Variants in MAML2 observed in about 807,000 individuals in gnomAD.
MAML2 encodes mastermind-like protein 2.
MAML2 carries 22 observed loss-of-function variants against 96.1 expected under a neutral mutation model. The observed-to-expected ratio is 0.23, with a 90% CI of 0.16 to 0.33. MAML2 has a LOEUF of 0.33. Ranked by LOEUF, MAML2 falls within the 10% of genes least tolerant of loss-of-function variation. MAML2 has a pLI of 1.00. For missense variants in MAML2, 1,367 were observed against 1,392.4 expected, an observed-to-expected ratio of 0.98 and a Z score of 0.29; for synonymous variants, 561 against 521.3, an observed-to-expected ratio of 1.08 and a Z score of -1.04.
rs142353824 is a variant in MAML2 at position 96,131,750 on chromosome 11, C to T, written c.514-38233G>A. Among the ~76,000 whole-genome samples, 533 of 152,270 alleles carry T rather than the reference C, an allele frequency of 3.5e-3. 1 individual carries two copies. Among genetic ancestry groups the T allele is most frequent in the African/African-American group, 0.012 (494 of 41,534 alleles). ...ATTGCCTGGGTGTGGTGGCTCATGCCTGTAATCCCAGCACTTTGAGAGGCT... is the reference window on the plus strand; with the variant it reads ...ATTGCCTGGGTGTGGTGGCTCATGCTTGTAATCCCAGCACTTTGAGAGGCT... On this transcript the variant is annotated intron_variant, in intron 1 of 4. Coordinates refer to ENST00000524717, the MANE Select transcript of MAML2 (RefSeq NM_032427.4).
intron 1 of MAML2, among the ~76,000 whole-genome samples, chr11:96,300,175 G>A (rs575637063): frequency 1.3e-5 from 2 of 152,272 alleles, no homozygotes; most frequent in East Asian, 1.9e-4. Context: ...TCAAAGGTAA[G>A]GCCATGGGAA....
chr11:96,250,589 T>C (rs1056908240), intron 1 of MAML2, among the ~76,000 whole-genome samples: 1 of 152,214 alleles, frequency 6.6e-6, no homozygotes, highest in Non-Finnish European at 1.5e-5. Flanking sequence ...TGGTCCATAG[T>C]GAAAGCTCAG....
intron 1 of MAML2, among the ~76,000 whole-genome samples, chr11:96,183,278 A>G (rs906539631): frequency 1.3e-5 from 2 of 151,762 alleles, no homozygotes; most frequent in African/African-American, 4.8e-5. Flanking sequence ...ATGTCTATAC[A>G]TGTTCTATAT....
chr11:96,174,533 G>A (rs546311589), intron 1 of MAML2, among the ~76,000 whole-genome samples: 144 of 152,210 alleles, frequency 9.5e-4, no homozygotes, highest in Non-Finnish European at 1.4e-3. Flanking sequence ...ACAGGCACCC[G>A]CCGCCATGCC....
intron 2 of MAML2, among the ~76,000 whole-genome samples, chr11:96,089,086 C>CT (rs1459592223): frequency 6.6e-6 from 1 of 151,948 alleles, no homozygotes; most frequent in African/African-American, 2.4e-5. Flanking sequence ...TAGTGTTTTC[C>CT]TTTAAGATGT....
chr11:96,013,112 G>A (rs139074958), intron 2 of MAML2, among the ~76,000 whole-genome samples: 123 of 152,340 alleles, frequency 8.1e-4, no homozygotes, highest in Non-Finnish European at 1.1e-3. Flanking sequence ...TGAAAAGAGA[G>A]AGTTATGAGA....
intron 2 of MAML2, among the ~76,000 whole-genome samples, chr11:96,064,156 C>T (rs1029351016): frequency 6.6e-5 from 10 of 152,098 alleles, no homozygotes; most frequent in Non-Finnish European, 8.8e-5. Flanking sequence ...CTACAAATTA[C>T]GAAAAATATA....
rs371672772 is a variant in MAML2, at chr11:96,077,219, C to CTTT, written c.2139+14670_2139+14672dup. Among the ~76,000 whole-genome samples, 108 of 94,116 alleles carry CTTT rather than the reference C, an allele frequency of 1.1e-3. 4 individuals are homozygous for CTTT. Among genetic ancestry groups the CTTT allele is most frequent in the African/African-American group, 3.0e-3 (68 of 22,830 alleles). The allele number at this position is 94,116 out of a possible 152,430, so 61.7% of individuals were successfully genotyped here. A position where few individuals can be genotyped will look rare whatever the true frequency, so the allele number is the denominator to read the frequency against. On this transcript the variant is annotated intron_variant, in intron 2 of 4. Coordinates refer to ENST00000524717, the MANE Select transcript of MAML2 (RefSeq NM_032427.4). The stretch of plus-strand genomic sequence containing the variant: ...GACTTTTTACCCCAACTCTCTCTCT[C>CTTT]TTTTTTTTTTTTTTTTTTTTAAAGA...
rs146444878 is a variant in MAML2 at position 96,013,892 on chromosome 11, A to G, written c.2140-22169T>C. 5.7e-3 allele frequency among the ~76,000 whole-genome samples: 866 copies of G among 152,306 alleles called. 8 individuals carry two copies. Among genetic ancestry groups the G allele is most frequent in the African/African-American group, 0.02 (824 of 41,558 alleles). ...ATTCTTCCTGTACACCAAGGCAGGA[A>G]CCCAGGATACAGAAAGCCCTCTGTC... On this transcript the variant is annotated intron_variant, in intron 2 of 4. Transcript: ENST00000524717.
chr11:95,992,684 T>A (rs1857931273), intron 2 of MAML2, among the ~76,000 whole-genome samples: 1 of 152,208 alleles, frequency 6.6e-6, no homozygotes, highest in African/African-American at 2.4e-5. Flanking sequence ...TTACATGATA[T>A]AAACACTAAG....
chr11:96,167,495 C>G (rs1332972194), intron 1 of MAML2, among the ~76,000 whole-genome samples: 1 of 152,202 alleles, frequency 6.6e-6, no homozygotes, highest in African/African-American at 2.4e-5. Context: ...TTCTTTCGCA[C>G]AGAGCAGAAG....
At chr11:96,212,289 T>C (rs16923321) in intron 1 of MAML2, among the ~76,000 whole-genome samples, 9,476 of 150,828 alleles carry the variant, frequency 0.063, 880 homozygotes, top group African/African-American at 0.21. Context: ...TAGGAGCCAG[T>C]GTCAGATAGA....
chr11:96,293,205 T>C lies in MAML2; in HGVS notation c.513+48178A>G, dbSNP rs1863240600. Among the ~76,000 whole-genome samples, 4 of 152,204 alleles carry C rather than the reference T, an allele frequency of 2.6e-5. 1 individual carries two copies. The South Asian group carries it at 8.3e-4, about 31-fold the overall frequency. ...TGTAATGTGCCAACTATCTACATTG[T>C]TACTATTAAAGCATCCTTAATCAAA... On this transcript the variant is annotated intron_variant, in intron 1 of 4. Coordinates refer to ENST00000524717, the MANE Select transcript of MAML2 (RefSeq NM_032427.4).
intron 1 of MAML2, among the ~76,000 whole-genome samples, chr11:96,198,734 TC>T (rs1353505332): frequency 2.6e-5 from 4 of 152,014 alleles, no homozygotes; most frequent in East Asian, 3.9e-4. Flanking sequence ...AGGAACAATA[TC>T]CCTTCTTCCC....
intron 1 of MAML2, among the ~76,000 whole-genome samples, chr11:96,124,753 A>T (rs765691639): frequency 1.3e-5 from 2 of 152,210 alleles, no homozygotes; most frequent in Non-Finnish European, 2.9e-5. Context: ...ACACCTCGTG[A>T]AAGGGCATGA....
chr11:96,301,118 A>G (rs546006847), intron 1 of MAML2, among the ~76,000 whole-genome samples: 8 of 152,212 alleles, frequency 5.3e-5, no homozygotes, highest in Non-Finnish European at 8.8e-5. Flanking sequence ...CAATCGCCCA[A>G]GGGTCTCATG....
At position 96,091,983 on chromosome 11, in the gene MAML2, G is replaced by C; in HGVS notation, c.2048C>G (p.Pro683Arg). Residue 683 changes from proline to arginine, a missense_variant, in exon 2 of 5, where the codon CCT becomes CGT. By Grantham distance (103) the Pro-to-Arg change is moderately radical. Coordinates refer to ENST00000524717, the MANE Select transcript of MAML2 (RefSeq NM_032427.4). ...TAGGAGCTTTTGCTGAAGTGGCAAA[G>C]GTGACCTTAGCAAAGGCTGGCTTGG... ...SLPSQPLLRS[P>R]LPLQQKLLLQ... 4 of 1,600,484 alleles carry C rather than the reference G, an allele frequency of 2.5e-6. No individual in the cohort carries two copies. Among genetic ancestry groups the C allele is most frequent in the South Asian group, 1.1e-5 (1 of 88,482 alleles).
rs1225836225 is a variant in MAML2, at chr11:96,255,932, G to GGC, written c.513+85449_513+85450dup. Reference sequence around the variant, plus strand: ...CTTGTTGCCCAGGCTGAAGTGCAATGGCGCGATCTTGGCTTACTGCAACCT... The same window carrying GGC: ...CTTGTTGCCCAGGCTGAAGTGCAATGGCGCGCGATCTTGGCTTACTGCAACCT... On this transcript the variant is annotated intron_variant, in intron 1 of 4. Transcript: ENST00000524717. Among the ~76,000 whole-genome samples, 5 of 141,692 alleles carry GGC rather than the reference G, an allele frequency of 3.5e-5. No homozygotes were observed. In the East Asian group the frequency reaches 1.1e-3, roughly 32 times the overall value. 93.0% of individuals were successfully genotyped at this position (141,692 alleles called of 152,430 possible). A position where few individuals can be genotyped will look rare whatever the true frequency, so the allele number is the denominator to read the frequency against.
chr11:95,979,704 G>C lies in MAML2; in HGVS notation c.2715C>G (p.Asn905Lys). The change falls in exon 5 of 5, where the codon AAC (asparagine) becomes AAG (lysine). Residue 905 changes from asparagine (N) to lysine (K), a missense_variant. Transcript: ENST00000524717. ...NPKQLLANQN[N>K]PMMPRPPTLG... The stretch of plus-strand genomic sequence containing the variant: ...AGGTAGGTGGCCGTGGCATCATAGG[G>C]TTGTTTTGATTTGCTAACAATTGCT... 1 of 1,613,934 alleles carries C rather than the reference G, an allele frequency of 6.2e-7. No homozygotes were observed. The highest frequency in any genetic ancestry group is 8.5e-7 in the Non-Finnish European group (1 of 1,179,864).
Sources: gnomAD v4.1 joint callset for allele counts (sites outside exome capture counted in the v4.1 genomes callset) on GRCh38, gnomAD v4.1.1 for gene constraint, MANE v1.5 for transcripts, NCBI Gene and HGNC (gene_info 2026-07-23, HGNC 2026-07-21) for gene names.